Variants in PDXDC1 observed in about 807,000 individuals in gnomAD.
PDXDC1 encodes pyridoxal dependent decarboxylase domain containing 1.
PDXDC1 carries 42 observed loss-of-function variants against 100.1 expected under a neutral mutation model. The ratio of observed to expected loss-of-function variants is 0.42; its 90% CI spans 0.33 to 0.54. The LOEUF (loss-of-function observed/expected upper bound fraction) is 0.54, where lower values mean the gene tolerates loss of function less well. PDXDC1 is among the 20% of genes least tolerant of loss of function. The pLI, the probability that PDXDC1 is intolerant of heterozygous loss-of-function variation, is 0.10. For missense variants in PDXDC1, 636 were observed against 979.2 expected, an observed-to-expected ratio of 0.65 and a Z score of 4.68; for synonymous variants, 260 against 371.7, an observed-to-expected ratio of 0.70 and a Z score of 3.46.
intron 16 of PDXDC1, chr16:15,125,615 A>T (rs1190499034): frequency 8.4e-7 from 1 of 1,187,142 alleles, no homozygotes; most frequent in African/African-American, 1.5e-5. Context: ...TGAGAGGTGC[A>T]CAGTGTCTGG....
At chr16:15,043,541 C>T (rs2043918988) in intron 16 of PDXDC1, among the ~76,000 whole-genome samples, 1 of 152,216 alleles carries the variant, frequency 6.6e-6, no homozygotes, top group Non-Finnish European at 1.5e-5. Flanking sequence ...GGCCTTCAGT[C>T]ATGATGCCAA....
intron 14 of PDXDC1, among the ~76,000 whole-genome samples, chr16:15,028,134 T>TC (rs1361056720): frequency 9.9e-5 from 15 of 152,252 alleles, no homozygotes; most frequent in African/African-American, 3.4e-4. Context: ...GCTTCTGCCT[T>TC]CCCCCCTTCC....
chr16:15,148,741 G>A, the PDXDC1 span, among the ~76,000 whole-genome samples: 98 of 151,930 alleles, frequency 6.5e-4, no homozygotes, highest in Non-Finnish European at 1.1e-3. Context: ...TGATCTGGAT[G>A]CAAGCCGATA....
chr16:15,033,583 TGC>T (rs1386663833), intron 19 of PDXDC1, among the ~76,000 whole-genome samples, 184 bp downstream of exon 19: 11 of 152,192 alleles, frequency 7.2e-5, no homozygotes, highest in Non-Finnish European at 1.2e-4. Context: ...ACACAGCCCA[TGC>T]CCCAGTGATC....
At chr16:15,141,407 G>A (rs1210335949), downstream of PDXDC1, among the ~76,000 whole-genome samples, 1 of 152,244 alleles carries the variant, frequency 6.6e-6, no homozygotes, top group African/African-American at 2.4e-5. Context: ...CACCTGGGCT[G>A]GGCGCCCAGA....
In PDXDC1 at chr16:15,094,257, G is replaced by A. The variant is rs1050240691; in HGVS notation, c.1400-44622G>A. The A allele has an allele frequency of 4.5e-6, 7 of 1,538,958 alleles. No homozygotes were observed. The African/African-American group carries it at 8.2e-5, about 18-fold the overall frequency. On this transcript the variant is annotated intron_variant, in intron 16 of 16. Transcript: ENST00000535621. ...ATTGGGCCGAACTAACGCGACCGCTGCGCCTCAGGCCGGATGCCCAGCTCC... is the reference window on the plus strand; with the variant it reads ...ATTGGGCCGAACTAACGCGACCGCTACGCCTCAGGCCGGATGCCCAGCTCC...
At chr16:15,078,647 C>A (rs1206104160) in intron 16 of PDXDC1, among the ~76,000 whole-genome samples, 2 of 151,968 alleles carry the variant, frequency 1.3e-5, no homozygotes, top group African/African-American at 4.8e-5. Flanking sequence ...TTCTGATCAC[C>A]CTTCTCCTCC....
rs528602810 is a variant in PDXDC1, at chr16:15,089,437, A to G, written c.1400-49442A>G. 9.8e-5 allele frequency among the ~76,000 whole-genome samples: 15 copies of G among 152,288 alleles called. 1 individual carries two copies. In the South Asian group the frequency reaches 2.9e-3, roughly 29 times the overall value. On this transcript the variant is annotated intron_variant, in intron 16 of 16. Coordinates refer to the PDXDC1 transcript ENST00000535621. The stretch of plus-strand genomic sequence containing the variant: ...CACAGAAGAATCAACAGAGTGAGAA[A>G]AGAGTCAAGTTTTGAAGCCCAATCA...
At chr16:15,055,914 C>T (rs1480138544) in intron 16 of PDXDC1, 2 of 1,232,594 alleles carry the variant, frequency 1.6e-6, no homozygotes, top group Non-Finnish European at 2.0e-6. Context: ...TGGGCTCGGA[C>T]GAGGTCCCCG....
intron 13 of PDXDC1, chr16:15,025,855 G>A (rs1168012085): frequency 6.6e-6 from 1 of 152,616 alleles, no homozygotes; most frequent in East Asian, 1.9e-4. Context: ...TATACTGTTT[G>A]ATGCAAAACA....
chr16:15,069,608 C>T (rs928254589), intron 16 of PDXDC1, among the ~76,000 whole-genome samples: 1 of 152,174 alleles, frequency 6.6e-6, no homozygotes, highest in African/African-American at 2.4e-5. Flanking sequence ...CCAAACCTGG[C>T]TTCAGTTTTC....
chr16:15,143,895 C>T (rs757137073), downstream of PDXDC1, among the ~76,000 whole-genome samples: 1 of 152,226 alleles, frequency 6.6e-6, no homozygotes, highest in Non-Finnish European at 1.5e-5. Flanking sequence ...CTGCACATTC[C>T]AGACGCGTGT....
downstream of PDXDC1, chr16:15,038,721 G>T: frequency 8.3e-7 from 1 of 1,208,448 alleles, no homozygotes; most frequent in Non-Finnish European, 1.2e-6. Flanking sequence ...AGAATTTCAG[G>T]AATGTCACCC....
intron 3 of PDXDC1, 35 bp downstream of exon 3, chr16:14,998,440 G>T: frequency 1.3e-6 from 2 of 1,596,020 alleles, no homozygotes; most frequent in Non-Finnish European, 1.7e-6. Flanking sequence ...CTTTAGTTAA[G>T]GTGTAAATTT....
At chr16:15,117,482 C>T (rs1279049640) in intron 16 of PDXDC1, among the ~76,000 whole-genome samples, 1 of 150,378 alleles carries the variant, frequency 6.6e-6, no homozygotes, top group African/African-American at 2.5e-5. Flanking sequence ...CATGGTGAAA[C>T]CCAGTCTCTA....
At chr16:15,134,407 G>A in intron 16 of PDXDC1, 1 of 572,506 alleles carries the variant, frequency 1.7e-6, no homozygotes, top group Non-Finnish European at 3.1e-6. Context: ...AGGTCTGGGG[G>A]ACCCGTGGAG....
rs1284799616 is a variant in PDXDC1, at chr16:14,989,975, C to A, written c.22-7778C>A. On this transcript the variant is annotated intron_variant, in intron 1 of 22. Transcript: ENST00000396410. ...GGGTGGCCGCCTCCAGGCAGGCAGACGGCTCGGTGGCGCCCGGCTCACCCC... is the reference window on the plus strand; with the variant it reads ...GGGTGGCCGCCTCCAGGCAGGCAGAAGGCTCGGTGGCGCCCGGCTCACCCC... 1.5e-5 allele frequency: 22 copies of A among 1,459,886 alleles called. No individual in the cohort carries two copies. The East Asian group carries it at 2.2e-4, about 14-fold the overall frequency. The allele number at this position is 1,459,886 out of a possible 1,614,324, so 90.4% of individuals were successfully genotyped here. A position where few individuals can be genotyped will look rare whatever the true frequency, so the allele number is the denominator to read the frequency against.
chr16:14,991,239 T>G (rs1267899494), intron 1 of PDXDC1, among the ~76,000 whole-genome samples: 1 of 152,162 alleles, frequency 6.6e-6, no homozygotes, highest in African/African-American at 2.4e-5. Flanking sequence ...TTTGTGTGTA[T>G]ATATATGTAT....
At chr16:15,091,102 AC>A (rs1272790246) in intron 16 of PDXDC1, among the ~76,000 whole-genome samples, 1 of 151,914 alleles carries the variant, frequency 6.6e-6, no homozygotes, top group Non-Finnish European at 1.5e-5. Flanking sequence ...TGCCAGTAGC[AC>A]CCTTTCCTCC....
Sources: allele counts gnomAD v4.1 joint callset (sites outside exome capture counted in the v4.1 genomes callset), GRCh38; gene constraint gnomAD v4.1.1; transcripts MANE v1.5; gene names NCBI Gene and HGNC (gene_info 2026-07-23, HGNC 2026-07-21).